The following ITSN1 variants were observed in gnomAD, a reference collection of about 807,000 sequenced individuals.
ITSN1 encodes intersectin-1.
ITSN1 carries 58 observed loss-of-function variants against 239.8 expected under a neutral mutation model. The observed-to-expected ratio is 0.24, with a 90% CI of 0.20 to 0.30. ITSN1 has a LOEUF of 0.30. Ranked by LOEUF, ITSN1 falls within the 10% of genes least tolerant of loss-of-function variation. The pLI, the probability that ITSN1 is intolerant of heterozygous loss-of-function variation, is 1.00. For synonymous variants in ITSN1, 780 were observed against 770.8 expected, an observed-to-expected ratio of 1.01 and a Z score of -0.20; for missense variants, 1,558 against 2,103.3, an observed-to-expected ratio of 0.74 and a Z score of 5.07.
At chr21:33,740,717 T>G (rs2066794161) in intron 5 of ITSN1, among the ~76,000 whole-genome samples, 1 of 152,120 alleles carries the variant, frequency 6.6e-6, no homozygotes, top group South Asian at 2.1e-4. Context: ...AGTCATTCAT[T>G]CAGAAAAGGT....
At chr21:33,856,645 C>T (rs1979398640) in intron 29 of ITSN1, 91 bp from the exon 30 acceptor site, 1 of 1,585,172 alleles carries the variant, frequency 6.3e-7, no homozygotes, top group African/African-American at 1.3e-5. Context: ...AGCAAGCCCT[C>T]AGGACCCAGC....
Position 33,750,181 on chromosome 21 carries a change from G to GT in ITSN1, c.387dup (p.Ala130CysfsTer31). On this transcript the variant is annotated frameshift_variant, in exon 6 of 40. Coordinates refer to ENST00000381318, the MANE Select transcript of ITSN1 (RefSeq NM_003024.3). LOFTEE classifies it high-confidence loss of function. ...CGCCAGCATGCCACCGCTTACAGCT[G>GT]TTGCTCCAGTGCCAATGGGATCCAT... 6.2e-7 allele frequency: 1 copy of GT among 1,614,130 alleles called. No homozygotes were observed. Among genetic ancestry groups the GT allele is most frequent in the Non-Finnish European group, 8.5e-7 (1 of 1,180,022 alleles).
intron 30 of ITSN1, among the ~76,000 whole-genome samples, chr21:33,857,574 C>T (rs1049929628): frequency 4.6e-5 from 7 of 152,178 alleles, no homozygotes; most frequent in African/African-American, 7.2e-5. Flanking sequence ...CCACACCAAA[C>T]GGGTGTGAAA....
rs534506275 is a variant in ITSN1, at chr21:33,834,377, G to A, written c.3422G>A (p.Ser1141Asn). Residue 1141 changes from serine to asparagine, a missense_variant, in exon 28 of 40, where the codon AGC becomes AAC. By Grantham distance (46) the Ser-to-Asn change is conservative (BLOSUM62 1). Coordinates refer to ENST00000381318, the MANE Select transcript of ITSN1 (RefSeq NM_003024.3). ...NYVKLLSPGTSKITPTEPPKS... is the reference protein window; with the variant it reads ...NYVKLLSPGTNKITPTEPPKS... The stretch of plus-strand genomic sequence containing the variant: ...GTAAAGCTTCTAAGCCCTGGGACGA[G>A]CAAAATCACTCCAACAGAGCCACCT... 1 of 1,613,842 alleles carries A rather than the reference G, an allele frequency of 6.2e-7. No individual in the cohort carries two copies. The highest frequency in any genetic ancestry group is 1.7e-5 in the Admixed American group (1 of 59,994).
intron 25 of ITSN1, 76 bp downstream of exon 25, chr21:33,823,729 C>T (rs1451799174): frequency 1.3e-5 from 18 of 1,411,956 alleles, no homozygotes; most frequent in East Asian, 9.2e-5. Flanking sequence ...TGTTTGACAG[C>T]GGAACTTTGT....
Position 33,872,906 on chromosome 21 carries a change from A to G in ITSN1, c.4174-2448A>G, listed in dbSNP as rs546238230. On this transcript the variant is annotated intron_variant, in intron 33 of 39. Coordinates refer to ENST00000381318, the MANE Select transcript of ITSN1 (RefSeq NM_003024.3). ...TGTACAATATTACTTTTGTCATTAG[A>G]AAAATTGATAAACCTGTTTGAATTT... is the stretch of plus-strand genomic sequence containing the variant. 1.8e-4 allele frequency among the ~76,000 whole-genome samples: 28 copies of G among 152,200 alleles called. 1 individual carries two copies. Among genetic ancestry groups the G allele is most frequent in the South Asian group, 4.1e-4 (2 of 4,836 alleles).
chr21:33,860,923 C>A lies in ITSN1; in HGVS notation c.3890+2131C>A, dbSNP rs1180056580. 2.0e-5 allele frequency among the ~76,000 whole-genome samples: 3 copies of A among 152,244 alleles called. No homozygotes were observed. In the South Asian group the frequency reaches 6.2e-4, roughly 32 times the overall value. ...AAGGGAATCAGGTGTCCCAGGGGCA[C>A]GCCGTCCATCAGGGGGCTGATGTGT... On this transcript the variant is annotated intron_variant, in intron 31 of 39. Transcript: ENST00000381318.
At chr21:33,674,679 G>A (rs574266395) in intron 1 of ITSN1, among the ~76,000 whole-genome samples, 1 of 151,908 alleles carries the variant, frequency 6.6e-6, no homozygotes, top group Admixed American at 6.6e-5. Flanking sequence ...TAGTTGCAGT[G>A]GTCCTTAAAA....
chr21:33,726,213 C>T lies in ITSN1; in HGVS notation c.185+3562C>T, dbSNP rs1033438745. On this transcript the variant is annotated intron_variant, in intron 4 of 39. Coordinates refer to ENST00000381318, the MANE Select transcript of ITSN1 (RefSeq NM_003024.3). ...TTCACCATGTTGGCTAGCCTGGTCTCGAACTCCTGACCTGAAGTGATCTGC... is the reference window on the plus strand; with the variant it reads ...TTCACCATGTTGGCTAGCCTGGTCTTGAACTCCTGACCTGAAGTGATCTGC... Among the ~76,000 whole-genome samples, 6 of 152,108 alleles carry T rather than the reference C, an allele frequency of 3.9e-5. No homozygotes were observed. In the South Asian group the frequency reaches 6.2e-4, roughly 16 times the overall value.
At chr21:33,693,390 C>G (rs1366898820) in intron 1 of ITSN1, among the ~76,000 whole-genome samples, 2 of 151,280 alleles carry the variant, frequency 1.3e-5, no homozygotes, top group Non-Finnish European at 1.5e-5. Flanking sequence ...GAGTTTTACT[C>G]TTATTGTCCA....
At chr21:33,728,637 A>C (rs567351077) in intron 4 of ITSN1, among the ~76,000 whole-genome samples, 1 of 152,090 alleles carries the variant, frequency 6.6e-6, no homozygotes, top group Non-Finnish European at 1.5e-5. Flanking sequence ...TCGCAGGTTC[A>C]TTGCCTTTCA....
intron 20 of ITSN1, among the ~76,000 whole-genome samples, chr21:33,807,007 G>T (rs1198272849): frequency 6.6e-6 from 1 of 152,048 alleles, no homozygotes; most frequent in Non-Finnish European, 1.5e-5. Context: ...TTTAATTTAG[G>T]TGTTAAGAAT....
intron 1 of ITSN1, among the ~76,000 whole-genome samples, chr21:33,681,344 T>C (rs1316667555): frequency 6.6e-6 from 1 of 152,212 alleles, no homozygotes; most frequent in African/African-American, 2.4e-5. Context: ...GTTACATCTT[T>C]ATTACCATTT....
intron 1 of ITSN1, chr21:33,643,376 A>G (rs1484535760): frequency 6.6e-6 from 1 of 152,162 alleles, no homozygotes; most frequent in African/African-American, 2.4e-5. Flanking sequence ...ACGCACCGAC[A>G]CGGTTTTGTG....
intron 16 of ITSN1, among the ~76,000 whole-genome samples, chr21:33,783,303 A>G (rs774427548): frequency 3.9e-5 from 6 of 152,240 alleles, no homozygotes; most frequent in Non-Finnish European, 8.8e-5. Context: ...AACTTTTATA[A>G]TAGTTGACCT....
intron 5 of ITSN1, among the ~76,000 whole-genome samples, chr21:33,740,604 T>C (rs2066784972): frequency 1.3e-5 from 2 of 152,130 alleles, no homozygotes; most frequent in Admixed American, 6.6e-5. Context: ...AAAATCCTGA[T>C]TGGAGGCTTG....
chr21:33,898,896 C>T lies in ITSN1; in HGVS notation c.*10596C>T, dbSNP rs3746861. ...AAGCTTCCTGGAATCTATTTAGGTGCATGAATAATCTGCAAATCACTTAGA... is the reference window on the plus strand; with the variant it reads ...AAGCTTCCTGGAATCTATTTAGGTGTATGAATAATCTGCAAATCACTTAGA... On this transcript the variant is annotated 3_prime_UTR_variant, in exon 40 of 40. Transcript: ENST00000381318. The T allele has an allele frequency of 0.11, 16,344 of 152,276 alleles. 1,058 individuals carry two copies. Among genetic ancestry groups the T allele is most frequent in the East Asian group, 0.27 (1,424 of 5,182 alleles). The allele number at this position is 152,276 out of a possible 1,614,324, so 9.4% of individuals were successfully genotyped here.
At chr21:33,725,104 T>TAA (rs778135264) in intron 4 of ITSN1, among the ~76,000 whole-genome samples, 1 of 133,350 alleles carries the variant, frequency 7.5e-6, no homozygotes, top group Non-Finnish European at 1.6e-5. Flanking sequence ...CCCTCATCTT[T>TAA]AAAAAAAAAA....
At chr21:33,755,433 T>A in intron 8 of ITSN1, 36 bp downstream of exon 8, 1 of 1,107,314 alleles carries the variant, frequency 9.0e-7, no homozygotes. Context: ...ATATGATCTT[T>A]GTTTTCAATG....
Sources: allele counts gnomAD v4.1 joint callset (sites outside exome capture counted in the v4.1 genomes callset), GRCh38; gene constraint gnomAD v4.1.1; transcripts MANE v1.5; gene names NCBI Gene and HGNC (gene_info 2026-07-23, HGNC 2026-07-21).